SV2C: variants seen among roughly 807,000 people sequenced by gnomAD.
The protein encoded by SV2C is synaptic vesicle glycoprotein 2C.
Under a neutral mutation model 79.7 loss-of-function variants are expected in SV2C, and 49 were observed. The ratio of observed to expected loss-of-function variants is 0.61; its 90% CI spans 0.49 to 0.78. The LOEUF (loss-of-function observed/expected upper bound fraction) is 0.78, where lower values mean the gene tolerates loss of function less well. Ranked by LOEUF, SV2C falls within the 30% of genes least tolerant of loss-of-function variation. The probability of loss-of-function intolerance (pLI) is 0.00; values close to 1 mark genes in which losing one functional copy is unlikely to be tolerated. For synonymous variants in SV2C, 334 were observed against 333.2 expected, an observed-to-expected ratio of 1.00 and a Z score of -0.03; for missense variants, 833 against 912.9, an observed-to-expected ratio of 0.91 and a Z score of 1.13.
At chr5:76,038,490 T>C in the SV2C span, among the ~76,000 whole-genome samples, 1 of 152,080 alleles carries the variant, frequency 6.6e-6, no homozygotes, top group South Asian at 2.1e-4. Context: ...ACCTAGAAAG[T>C]GAAGGTTGTG....
Position 76,195,042 on chromosome 5 carries a change from C to T in SV2C, c.704C>T (p.Ser235Phe). 6.2e-7 allele frequency: 1 copy of T among 1,614,076 alleles called. No homozygotes were observed. The highest frequency in any genetic ancestry group is 1.1e-5 in the South Asian group (1 of 91,080). The change falls in exon 3 of 13, where the codon TCT becomes TTT. Residue 235 changes from serine to phenylalanine, a missense_variant. By Grantham distance (155) the Ser-to-Phe change is radical (BLOSUM62 -2). Coordinates refer to ENST00000502798, the MANE Select transcript of SV2C (RefSeq NM_014979.4). ...MSVNGFFAFL[S>F]SFVQGYGFFL... The stretch of plus-strand genomic sequence containing the variant: ...GTCAACGGATTCTTTGCCTTCCTTT[C>T]TTCATTTGTCCAAGGTTATGGCTTC...
At chr5:76,194,640 C>T (rs190357236) in intron 2 of SV2C, among the ~76,000 whole-genome samples, 165 of 152,322 alleles carry the variant, frequency 1.1e-3, no homozygotes, top group African/African-American at 3.8e-3. Context: ...CAATTGCTCA[C>T]AACATTCACC....
chr5:76,042,511 A>G, the SV2C span, among the ~76,000 whole-genome samples: 1 of 152,234 alleles, frequency 6.6e-6, no homozygotes, highest in Non-Finnish European at 1.5e-5. Context: ...TCCCAAATCT[A>G]TAGATCCTCC....
chr5:76,065,945 G>C, the SV2C span, among the ~76,000 whole-genome samples: 4 of 152,140 alleles, frequency 2.6e-5, no homozygotes, highest in Non-Finnish European at 4.4e-5. Flanking sequence ...TGGTGTTAGA[G>C]CTCTTGGCAT....
At chr5:76,235,840 G>A (rs1745593748) in intron 4 of SV2C, among the ~76,000 whole-genome samples, 1 of 152,034 alleles carries the variant, frequency 6.6e-6, no homozygotes, top group Non-Finnish European at 1.5e-5. Context: ...TCCTACAGCT[G>A]AGCATGACTC....
chr5:76,312,901 A>AAAAC (rs1245304316), intron 12 of SV2C, among the ~76,000 whole-genome samples: 1 of 152,218 alleles, frequency 6.6e-6, no homozygotes, highest in Non-Finnish European at 1.5e-5. Context: ...AGCTAAAATC[A>AAAAC]AAACATTTTC....
At chr5:76,037,917 A>C in the SV2C span, among the ~76,000 whole-genome samples, 1 of 152,206 alleles carries the variant, frequency 6.6e-6, no homozygotes, top group Non-Finnish European at 1.5e-5. Context: ...AGGACCCTCC[A>C]AGCCAGGTGC....
At chr5:75,862,945 G>T in the SV2C span, among the ~76,000 whole-genome samples, 1 of 152,138 alleles carries the variant, frequency 6.6e-6, no homozygotes, top group Non-Finnish European at 1.5e-5. Flanking sequence ...ATCACGGAAC[G>T]GGGAGCATAT....
rs111901077 is a variant in SV2C, at chr5:76,200,076, C to T, written c.761+4977C>T. On this transcript the variant is annotated intron_variant, in intron 3 of 12. Transcript: ENST00000502798. ...CTAAACTGACACTAATTCCAGGAGA[C>T]ACAAAATGTCACTGTGGTCAACCAG... 4.0e-3 allele frequency among the ~76,000 whole-genome samples: 602 copies of T among 152,322 alleles called. 4 individuals are homozygous for T. Among genetic ancestry groups the T allele is most frequent in the African/African-American group, 0.014 (577 of 41,576 alleles).
the SV2C span, among the ~76,000 whole-genome samples, chr5:76,034,488 C>T: frequency 6.6e-6 from 1 of 152,178 alleles, no homozygotes; most frequent in Non-Finnish European, 1.5e-5. Context: ...AAGGCCTTTT[C>T]TGCATCTGTT....
At chr5:75,987,819 T>TG in the SV2C span, among the ~76,000 whole-genome samples, 1 of 152,026 alleles carries the variant, frequency 6.6e-6, no homozygotes, top group South Asian at 2.1e-4. Flanking sequence ...CACCACTAAT[T>TG]GTCTTAGTTA....
At chr5:76,170,601 T>C (rs1191978182) in intron 2 of SV2C, among the ~76,000 whole-genome samples, 1 of 140,970 alleles carries the variant, frequency 7.1e-6, no homozygotes, top group Non-Finnish European at 1.6e-5. Context: ...TTGTTCCCTA[T>C]GTAAACAAAA....
At position 76,236,157 on chromosome 5, in the gene SV2C, A is replaced by T. The variant is rs115871200; in HGVS notation, c.913+26270A>T. 5.2e-3 allele frequency among the ~76,000 whole-genome samples: 786 copies of T among 152,372 alleles called. 10 individuals are homozygous for T. The highest frequency in any genetic ancestry group is 0.018 in the African/African-American group (760 of 41,590). ...TAAGACAACTCTTTAGTTATCAAACAAAACTGGCTCTGTGGCACAATGGAT... is the reference window on the plus strand; with the variant it reads ...TAAGACAACTCTTTAGTTATCAAACTAAACTGGCTCTGTGGCACAATGGAT... On this transcript the variant is annotated intron_variant, in intron 4 of 12. Coordinates refer to ENST00000502798, the MANE Select transcript of SV2C (RefSeq NM_014979.4).
At chr5:76,163,431 G>A (rs902899998) in intron 2 of SV2C, among the ~76,000 whole-genome samples, 13 of 152,206 alleles carry the variant, frequency 8.5e-5, no homozygotes, top group African/African-American at 2.9e-4. Context: ...CAATATTTAC[G>A]CATTAAGCTT....
At chr5:75,963,714 T>A in the SV2C span, among the ~76,000 whole-genome samples, 2 of 152,070 alleles carry the variant, frequency 1.3e-5, no homozygotes, top group Non-Finnish European at 2.9e-5. Context: ...CTCTTCAGAT[T>A]GGGGAAATGA....
intron 4 of SV2C, among the ~76,000 whole-genome samples, chr5:76,277,755 C>CAAA (rs35556822): frequency 0.014 from 1,486 of 108,312 alleles, 26 homozygotes; most frequent in African/African-American, 0.045. Context: ...AGACCTGTCT[C>CAAA]AAAAAAAAAA....
At chr5:75,902,609 A>G in the SV2C span, among the ~76,000 whole-genome samples, 3 of 152,210 alleles carry the variant, frequency 2.0e-5, no homozygotes, top group Admixed American at 2.0e-4. Context: ...TGCCTCTGAT[A>G]ATTTCCAAAC....
At chr5:76,132,411 T>C in intron 2 of SV2C, 81 bp downstream of exon 2, 2 of 1,361,622 alleles carry the variant, frequency 1.5e-6, no homozygotes, top group South Asian at 1.6e-5. Flanking sequence ...GAATAAATAC[T>C]TTTCATCTAG....
intron 1 of SV2C, among the ~76,000 whole-genome samples, chr5:76,126,425 T>C (rs1748708153): frequency 6.6e-6 from 1 of 152,256 alleles, no homozygotes; most frequent in Non-Finnish European, 1.5e-5. Context: ...CAGTTTCCAT[T>C]TCTTCATCTC....
Sources: gnomAD v4.1 joint callset for allele counts (sites outside exome capture counted in the v4.1 genomes callset) on GRCh38, gnomAD v4.1.1 for gene constraint, MANE v1.5 for transcripts, NCBI Gene and HGNC (gene_info 2026-07-23, HGNC 2026-07-21) for gene names.